CSMD1: variants seen among roughly 807,000 people sequenced by gnomAD.
The protein encoded by CSMD1 is CUB and Sushi multiple domains 1, also known as CUB and sushi domain-containing protein 1.
A neutral mutation model predicts 417.5 loss-of-function variants in CSMD1; 213 were observed. The ratio of observed to expected loss-of-function variants is 0.51; its 90% CI spans 0.46 to 0.57. The LOEUF is 0.57. Among genes scored for constraint, CSMD1 ranks in the 20% least tolerant of loss-of-function variants. The pLI, the probability that CSMD1 is intolerant of heterozygous loss-of-function variation, is 0.00. For missense variants in CSMD1, 6,923 were observed against 4,529.7 expected (o/e 1.53, Z -15.17); for synonymous variants, 2,862 against 1,736.8 (o/e 1.65, Z -16.11).
chr8:4,582,102 T>A (rs1799449314), intron 2 of CSMD1, among the ~76,000 whole-genome samples: 1 of 152,122 alleles, frequency 6.6e-6, no homozygotes, highest in Non-Finnish European at 1.5e-5. Flanking sequence ...TTGTTTTTAT[T>A]ATCTGAACTG....
rs560678993 is a variant in CSMD1, at chr8:3,089,704, G to T, written c.7285+1812C>A. Among the ~76,000 whole-genome samples the T allele has an allele frequency of 4.7e-4, 71 of 152,134 alleles. 1 individual carries two copies. In the Middle Eastern group the frequency reaches 0.017, roughly 36 times the overall value. Reference sequence around the variant, plus strand: ...AGTAAAAAGCTGTGAGATAGATAAAGAATTTTTTATATTCACATATGACAC... The same window carrying T: ...AGTAAAAAGCTGTGAGATAGATAAATAATTTTTTATATTCACATATGACAC... On this transcript the variant is annotated intron_variant, in intron 48 of 69. Transcript: ENST00000635120.
intron 5 of CSMD1, among the ~76,000 whole-genome samples, chr8:3,823,291 G>T (rs911864073): frequency 1.3e-5 from 2 of 152,088 alleles, no homozygotes; most frequent in Non-Finnish European, 2.9e-5. Context: ...GTCTGGAATC[G>T]CTTCCTCCTG....
chr8:2,990,836 G>C (rs1217630887), intron 54 of CSMD1, among the ~76,000 whole-genome samples: 1 of 152,216 alleles, frequency 6.6e-6, no homozygotes, highest in Non-Finnish European at 1.5e-5. Flanking sequence ...GCAAGGTATT[G>C]AGCAAATGAG....
intron 2 of CSMD1, among the ~76,000 whole-genome samples, chr8:4,622,476 C>T (rs937889681): frequency 6.6e-6 from 1 of 152,104 alleles, no homozygotes; most frequent in Non-Finnish European, 1.5e-5. Context: ...CTGACTGGCA[C>T]ATAATCAGAA....
chr8:3,651,925 C>A (rs1297929367), intron 7 of CSMD1, among the ~76,000 whole-genome samples: 1 of 151,112 alleles, frequency 6.6e-6, no homozygotes, highest in South Asian at 2.1e-4. Flanking sequence ...ATCAGAGCAC[C>A]TACCACCATC....
At chr8:3,086,819 G>C (rs1814564255) in intron 49 of CSMD1, among the ~76,000 whole-genome samples, 1 of 152,104 alleles carries the variant, frequency 6.6e-6, no homozygotes, top group African/African-American at 2.4e-5. Context: ...ATCTTAAATT[G>C]GATGACATGT....
chr8:3,733,673 G>A (rs1273875944), intron 6 of CSMD1, among the ~76,000 whole-genome samples: 1 of 152,102 alleles, frequency 6.6e-6, no homozygotes, highest in Non-Finnish European at 1.5e-5. Context: ...CCGCCTGCCT[G>A]GAGTTGGGAG....
chr8:4,330,519 G>A (rs891927237), intron 3 of CSMD1, among the ~76,000 whole-genome samples: 15 of 151,486 alleles, frequency 9.9e-5, no homozygotes, highest in African/African-American at 2.9e-4. Context: ...GAACCGAGGA[G>A]GCAGAGGTTA....
At chr8:4,911,186 C>A (rs1242932493) in intron 1 of CSMD1, among the ~76,000 whole-genome samples, 1 of 152,132 alleles carries the variant, frequency 6.6e-6, no homozygotes, top group Non-Finnish European at 1.5e-5. Context: ...GGACTAATAC[C>A]AATGCACATT....
intron 2 of CSMD1, among the ~76,000 whole-genome samples, chr8:4,434,552 C>G (rs918752029): frequency 2.0e-5 from 3 of 152,124 alleles, no homozygotes; most frequent in African/African-American, 7.2e-5. Flanking sequence ...CCAACATTGA[C>G]TAAAACACAA....
chr8:3,829,773 G>C (rs145841044), intron 5 of CSMD1, among the ~76,000 whole-genome samples: 3 of 152,102 alleles, frequency 2.0e-5, no homozygotes, highest in East Asian at 3.9e-4. Context: ...ATTTCTCCAA[G>C]ACAGGAATAT....
chr8:4,549,914 A>AG (rs1446584075), intron 2 of CSMD1, among the ~76,000 whole-genome samples: 4 of 150,618 alleles, frequency 2.7e-5, no homozygotes, highest in African/African-American at 4.9e-5. Flanking sequence ...AAAAAAAAAA[A>AG]AAAAAAGAAA....
At chr8:4,740,670 G>T (rs1284875264) in intron 1 of CSMD1, among the ~76,000 whole-genome samples, 4 of 152,170 alleles carry the variant, frequency 2.6e-5, no homozygotes, top group Non-Finnish European at 5.9e-5. Context: ...TCACTAAGAG[G>T]ATGAGAATCT....
intron 1 of CSMD1, among the ~76,000 whole-genome samples, chr8:4,835,202 T>C (rs1474775262): frequency 6.6e-6 from 1 of 151,926 alleles, no homozygotes; most frequent in African/African-American, 2.4e-5. Context: ...GAGGTATTTA[T>C]TTATTAGCGT....
At chr8:4,263,031 G>A (rs1803993452) in intron 3 of CSMD1, among the ~76,000 whole-genome samples, 1 of 152,090 alleles carries the variant, frequency 6.6e-6, no homozygotes, top group African/African-American at 2.4e-5. Flanking sequence ...ATAGTCTAAT[G>A]AATGTTAGAA....
In CSMD1 at chr8:4,590,672, A is replaced by G. The variant is rs1799941432; in HGVS notation, c.302+46670T>C. Among the ~76,000 whole-genome samples, 4 of 152,186 alleles carry G rather than the reference A, an allele frequency of 2.6e-5. No homozygotes were observed. In the South Asian group the frequency reaches 8.3e-4, roughly 32 times the overall value. On this transcript the variant is annotated intron_variant, in intron 2 of 69. Transcript: ENST00000635120. ...ACAACATTATAAAGCTATATTCACG[A>G]TGAAATCTTAAGAAAATGAGAAGCA...
chr8:4,702,466 C>T (rs1056431058), intron 1 of CSMD1, among the ~76,000 whole-genome samples: 2 of 151,882 alleles, frequency 1.3e-5, no homozygotes, highest in Admixed American at 6.6e-5. Flanking sequence ...CTAAATAGTC[C>T]CCTTCAGTCA....
chr8:4,128,856 G>C lies in CSMD1; in HGVS notation c.416-96757C>G, dbSNP rs1232265031. ...CATGTCATTATTGGTAAGTGTTACA[G>C]GCTCTGTGCATGCGCTGTATCATGA... On this transcript the variant is annotated intron_variant, in intron 3 of 69. Coordinates refer to ENST00000635120, the MANE Select transcript of CSMD1 (RefSeq NM_033225.6). 2.6e-5 allele frequency among the ~76,000 whole-genome samples: 4 copies of C among 151,994 alleles called. No homozygotes were observed. The East Asian group carries it at 7.8e-4, about 30-fold the overall frequency.
At chr8:4,059,162 A>G (rs2911718) in intron 3 of CSMD1, among the ~76,000 whole-genome samples, 136,867 of 152,134 alleles carry the variant, frequency 0.9, 61,697 homozygotes, top group Middle Eastern at 0.95. Context: ...TTAACTACAC[A>G]GAAACTGAAC....
Sources: allele counts gnomAD v4.1 joint callset (sites outside exome capture counted in the v4.1 genomes callset), GRCh38; gene constraint gnomAD v4.1.1; transcripts MANE v1.5; gene names NCBI Gene and HGNC (gene_info 2026-07-23, HGNC 2026-07-21).